Variants in RBFOX1 observed in about 807,000 individuals in gnomAD.
The protein encoded by RBFOX1 is RNA binding protein fox-1 homolog 1.
In RBFOX1, 8 loss-of-function variants were observed where a neutral mutation model predicts 57.7. The observed-to-expected ratio is 0.14, with a 90% CI of 0.08 to 0.25. The LOEUF (loss-of-function observed/expected upper bound fraction) is 0.25. RBFOX1 is among the 10% of genes least tolerant of loss of function. The pLI is 1.00. For missense variants in RBFOX1, 611 were observed against 548.5 expected, an observed-to-expected ratio of 1.11 and a Z score of -1.14; for synonymous variants, 326 against 222.4, an observed-to-expected ratio of 1.47 and a Z score of -4.15.
chr16:7,465,911 G>C (rs1021230698), intron 4 of RBFOX1, among the ~76,000 whole-genome samples: 2 of 152,134 alleles, frequency 1.3e-5, no homozygotes, highest in African/African-American at 4.8e-5. Flanking sequence ...AGCATCTCAT[G>C]GTGCTTCTCT....
chr16:5,722,583 T>G (rs1035848635), intron 3 of RBFOX1, among the ~76,000 whole-genome samples: 1 of 152,116 alleles, frequency 6.6e-6, no homozygotes, highest in Non-Finnish European at 1.5e-5. Flanking sequence ...CAGGAAGGCA[T>G]CTTTATCAGT....
chr16:5,419,851 C>T (rs975094058), intron 1 of RBFOX1, among the ~76,000 whole-genome samples: 2 of 151,980 alleles, frequency 1.3e-5, no homozygotes, highest in African/African-American at 4.8e-5. Flanking sequence ...GTGTGGGTGG[C>T]CCGTAGGAGC....
intron 3 of RBFOX1, among the ~76,000 whole-genome samples, chr16:7,030,624 C>T (rs1568447422): frequency 6.6e-6 from 1 of 152,120 alleles, no homozygotes. Flanking sequence ...CCCTTTGGAT[C>T]TAGGACCTAC....
chr16:6,410,680 C>T (rs1285814156), intron 2 of RBFOX1, among the ~76,000 whole-genome samples: 2 of 152,140 alleles, frequency 1.3e-5, no homozygotes, highest in Admixed American at 6.5e-5. Context: ...ATGTTGCTGC[C>T]TCTGGTGGGT....
At chr16:6,926,836 A>G (rs1217891946) in intron 3 of RBFOX1, among the ~76,000 whole-genome samples, 1 of 152,132 alleles carries the variant, frequency 6.6e-6, no homozygotes, top group Non-Finnish European at 1.5e-5. Context: ...CAGATACAAA[A>G]TACATAAACA....
chr16:7,211,924 C>A (rs775808043), intron 4 of RBFOX1, among the ~76,000 whole-genome samples: 1 of 152,104 alleles, frequency 6.6e-6, no homozygotes, highest in East Asian at 1.9e-4. Flanking sequence ...TACCCACAGG[C>A]GCCGTAAATT....
chr16:5,979,068 G>A (rs770334503), intron 4 of RBFOX1, among the ~76,000 whole-genome samples: 2 of 152,246 alleles, frequency 1.3e-5, no homozygotes, highest in African/African-American at 2.4e-5. Flanking sequence ...TGGTTTAACT[G>A]AAACTGGGAA....
At chr16:7,144,448 C>T (rs1310519993) in intron 4 of RBFOX1, among the ~76,000 whole-genome samples, 3 of 68,746 alleles carry the variant, frequency 4.4e-5, no homozygotes, top group East Asian at 4.6e-4. Flanking sequence ...TGAGTCAGGG[C>T]CCCTCTGTTG....
chr16:7,488,893 TTA>T (rs1170792947), intron 4 of RBFOX1, among the ~76,000 whole-genome samples: 1 of 152,218 alleles, frequency 6.6e-6, no homozygotes, highest in African/African-American at 2.4e-5. Flanking sequence ...CATTTTATCA[TTA>T]TGTTTGTCTA....
At chr16:6,141,875 A>G (rs2096718629) in intron 1 of RBFOX1, among the ~76,000 whole-genome samples, 1 of 151,968 alleles carries the variant, frequency 6.6e-6, no homozygotes, top group Admixed American at 6.6e-5. Context: ...CCTGACCAAC[A>G]TGGTGAAACC....
intron 4 of RBFOX1, among the ~76,000 whole-genome samples, chr16:7,206,440 A>C (rs916944956): frequency 2.0e-5 from 3 of 148,882 alleles, no homozygotes; most frequent in Non-Finnish European, 4.5e-5. Flanking sequence ...TATATGTATT[A>C]TATTTCCTTA....
intron 1 of RBFOX1, among the ~76,000 whole-genome samples, chr16:6,170,556 T>C (rs2096952628): frequency 6.6e-6 from 1 of 152,232 alleles, no homozygotes; most frequent in African/African-American, 2.4e-5. Flanking sequence ...AATGTCAGAA[T>C]ACACTCATGG....
chr16:5,660,717 C>G (rs974576224), intron 3 of RBFOX1, among the ~76,000 whole-genome samples: 16 of 152,078 alleles, frequency 1.1e-4, no homozygotes, highest in African/African-American at 3.9e-4. Flanking sequence ...GCTGATAAAG[C>G]TAACAGATCC....
At chr16:6,735,144 G>A (rs577793981) in intron 3 of RBFOX1, among the ~76,000 whole-genome samples, 42 of 152,162 alleles carry the variant, frequency 2.8e-4, no homozygotes, top group Non-Finnish European at 1.2e-4. Context: ...GTGAGACCCT[G>A]TCTCAACAAA....
At chr16:6,575,506 C>T (rs2097419948) in intron 2 of RBFOX1, among the ~76,000 whole-genome samples, 1 of 152,060 alleles carries the variant, frequency 6.6e-6, no homozygotes, top group Non-Finnish European at 1.5e-5. Flanking sequence ...AATAAAGACC[C>T]AAAACACTTC....
chr16:6,757,934 A>T (rs1057101227), intron 3 of RBFOX1, among the ~76,000 whole-genome samples: 5 of 152,170 alleles, frequency 3.3e-5, no homozygotes, highest in African/African-American at 1.2e-4. Flanking sequence ...TGCATTAGTA[A>T]AAAAAGATTT....
intron 1 of RBFOX1, among the ~76,000 whole-genome samples, chr16:5,457,917 A>C (rs1386618559): frequency 6.6e-6 from 1 of 152,082 alleles, no homozygotes; most frequent in African/African-American, 2.4e-5. Flanking sequence ...GAATAAACGA[A>C]AGCCATGACT....
chr16:6,018,919 C>T (rs1335655279), upstream of RBFOX1, among the ~76,000 whole-genome samples: 4 of 152,008 alleles, frequency 2.6e-5, no homozygotes, highest in African/African-American at 7.2e-5. Context: ...GGTACCGGGT[C>T]GCGTGTCCGC....
chr16:6,217,146 A>G (rs539609825), intron 1 of RBFOX1, among the ~76,000 whole-genome samples: 29 of 146,156 alleles, frequency 2.0e-4, no homozygotes, highest in African/African-American at 6.0e-4. Context: ...GTATGAGGGT[A>G]GCCTCGTGTC....
Sources: allele counts gnomAD v4.1 joint callset (sites outside exome capture counted in the v4.1 genomes callset), GRCh38; gene constraint gnomAD v4.1.1; transcripts MANE v1.5; gene names NCBI Gene and HGNC (gene_info 2026-07-23, HGNC 2026-07-21).